Variants in USP3 observed in about 807,000 individuals in gnomAD.
USP3 encodes the protein ubiquitin specific peptidase 3.
A neutral mutation model predicts 72.3 loss-of-function variants in USP3; 20 were observed. That is an observed-to-expected ratio of 0.28 (90% CI 0.19 to 0.40). USP3 has a LOEUF of 0.40. Among genes scored for constraint, USP3 ranks in the 10% least tolerant of loss-of-function variants. USP3 has a pLI of 1.00. For missense variants in USP3, 479 were observed against 633.9 expected, an observed-to-expected ratio of 0.76 and a Z score of 2.62; for synonymous variants, 222 against 225.3, an observed-to-expected ratio of 0.99 and a Z score of 0.13.
chr15:63,513,753 T>G (rs2065818829), intron 1 of USP3, among the ~76,000 whole-genome samples: 1 of 152,204 alleles, frequency 6.6e-6, no homozygotes, highest in Non-Finnish European at 1.5e-5. Context: ...CGGAGTAATA[T>G]TTTGATTAAA....
intron 14 of USP3, chr15:63,589,237 ATTTACGACCCAGTCTT>A: frequency 1.8e-6 from 1 of 564,754 alleles, no homozygotes; most frequent in Non-Finnish European, 3.1e-6. Flanking sequence ...TGAACCCAGT[ATTTACGACCCAGTCTT>A]TATTTGTCCA....
intron 1 of USP3, chr15:63,530,471 C>T (rs1199267181): frequency 9.2e-6 from 3 of 324,832 alleles, no homozygotes; most frequent in Non-Finnish European, 1.8e-5. Context: ...TGCCACCACA[C>T]CCGGCTAATT....
At chr15:63,513,472 C>T (rs746632488) in intron 1 of USP3, among the ~76,000 whole-genome samples, 8 of 152,126 alleles carry the variant, frequency 5.3e-5, no homozygotes, top group East Asian at 1.9e-4. Flanking sequence ...CTGGAACTCG[C>T]GGGCTTAAGT....
chr15:63,567,584 G>A (rs545140598), intron 8 of USP3, among the ~76,000 whole-genome samples: 3 of 151,508 alleles, frequency 2.0e-5, no homozygotes, highest in Non-Finnish European at 4.4e-5. Context: ...CTGACCTCAT[G>A]ATCTGCCTGC....
chr15:63,581,311 T>G (rs992295148), intron 11 of USP3, among the ~76,000 whole-genome samples: 1 of 151,506 alleles, frequency 6.6e-6, no homozygotes, highest in Admixed American at 6.6e-5. Flanking sequence ...AGAAATATAT[T>G]TCCATGTGTT....
At chr15:63,518,585 CAG>C (rs2065879968) in intron 1 of USP3, among the ~76,000 whole-genome samples, 1 of 152,196 alleles carries the variant, frequency 6.6e-6, no homozygotes, top group Admixed American at 6.5e-5. Context: ...ATTTTATACT[CAG>C]AGAAACACTG....
At chr15:63,584,318 C>T (rs774321985) in intron 11 of USP3, among the ~76,000 whole-genome samples, 7 of 151,804 alleles carry the variant, frequency 4.6e-5, no homozygotes, top group Non-Finnish European at 7.4e-5. Flanking sequence ...ATGATGGTCT[C>T]GATCCTCCTG....
intron 3 of USP3, among the ~76,000 whole-genome samples, chr15:63,542,920 C>A (rs1273414130): frequency 6.6e-6 from 1 of 152,138 alleles, no homozygotes; most frequent in African/African-American, 2.4e-5. Context: ...ATTATTTCTA[C>A]TTTGAAATGA....
At chr15:63,571,938 A>G (rs2066784741) in intron 9 of USP3, among the ~76,000 whole-genome samples, 1 of 152,224 alleles carries the variant, frequency 6.6e-6, no homozygotes, top group South Asian at 2.1e-4. Context: ...AGAAAAAGGT[A>G]TCTTGTGCAA....
At chr15:63,576,649 A>T (rs1430737572) in intron 11 of USP3, among the ~76,000 whole-genome samples, 1 of 152,174 alleles carries the variant, frequency 6.6e-6, no homozygotes, top group African/African-American at 2.4e-5. Flanking sequence ...TTGAAATCTG[A>T]TGTGACTGGT....
chr15:63,553,851 C>A lies in USP3; in HGVS notation c.368+53C>A. 1 of 1,456,582 alleles carries A rather than the reference C, an allele frequency of 6.9e-7. No homozygotes were observed. Among genetic ancestry groups the A allele is most frequent in the South Asian group, 1.3e-5 (1 of 78,578 alleles). 90.2% of individuals were successfully genotyped at this position (1,456,582 alleles called of 1,614,324 possible). ...GGGCCTAAGAATGGGGTTGAGGAGTCTTTTAGAATTTTTGAGTGGGGTTTT... is the reference window on the plus strand; with the variant it reads ...GGGCCTAAGAATGGGGTTGAGGAGTATTTTAGAATTTTTGAGTGGGGTTTT... On this transcript the variant is annotated intron_variant, in intron 4 of 14. Coordinates refer to ENST00000380324, the MANE Select transcript of USP3 (RefSeq NM_006537.4). The surrounding 1 kb of genome is among the most constrained non-coding windows in gnomAD (Gnocchi z 4.2).
chr15:63,537,244 A>T (rs1011076733), intron 3 of USP3, 88 bp downstream of exon 3: 2 of 1,418,666 alleles, frequency 1.4e-6, no homozygotes, highest in Non-Finnish European at 1.9e-6. Flanking sequence ...TAAGCCAGTT[A>T]CTACTGCTGT....
intron 1 of USP3, among the ~76,000 whole-genome samples, chr15:63,510,902 G>T (rs147765698): frequency 6.6e-6 from 1 of 152,148 alleles, no homozygotes; most frequent in Non-Finnish European, 1.5e-5. Context: ...ATTGTTCATT[G>T]TGGTTGTATC....
chr15:63,582,731 T>C (rs549072313), intron 11 of USP3, among the ~76,000 whole-genome samples: 1 of 152,252 alleles, frequency 6.6e-6, no homozygotes, highest in South Asian at 2.1e-4. Flanking sequence ...TGGAAGATGC[T>C]GGGAGAAGGC....
At chr15:63,583,996 T>C in intron 11 of USP3, among the ~76,000 whole-genome samples, 1 of 152,098 alleles carries the variant, frequency 6.6e-6, no homozygotes, top group East Asian at 1.9e-4. Flanking sequence ...GTGGAATCGC[T>C]GAATCATAAT....
intron 3 of USP3, among the ~76,000 whole-genome samples, chr15:63,550,539 C>T (rs749484043): frequency 6.6e-6 from 1 of 152,158 alleles, no homozygotes; most frequent in Non-Finnish European, 1.5e-5. Flanking sequence ...AAATTTAAGG[C>T]TGCAAATAGA....
chr15:63,577,511 C>T (rs1393359739), intron 11 of USP3, among the ~76,000 whole-genome samples: 1 of 152,188 alleles, frequency 6.6e-6, no homozygotes, highest in Admixed American at 6.5e-5. Context: ...AATCCCAGCA[C>T]TGTGGGAGGC....
At chr15:63,581,746 G>T (rs2066967996) in intron 11 of USP3, among the ~76,000 whole-genome samples, 1 of 151,646 alleles carries the variant, frequency 6.6e-6, no homozygotes, top group Admixed American at 6.6e-5. Context: ...CCAGGCTAGA[G>T]TGCAGTGGTG....
rs77119297 is a variant in USP3 at position 63,553,364 on chromosome 15, C to T, written c.285-351C>T. 190 of 161,316 alleles carry T rather than the reference C, an allele frequency of 1.2e-3. 2 individuals carry two copies. In the East Asian group the frequency reaches 0.02, roughly 17 times the overall value. The allele number at this position is 161,316 out of a possible 1,614,324, so 10.0% of individuals were successfully genotyped here. A position where few individuals can be genotyped will look rare whatever the true frequency, so the allele number is the denominator to read the frequency against. ...GGAAGTGTCAACTTAAAGCTTTAGG[C>T]TTAATGCTACATGAAAAGACTCGGT... On this transcript the variant is annotated intron_variant, in intron 3 of 14. Transcript: ENST00000380324. The surrounding 1 kb of genome is among the most constrained non-coding windows in gnomAD (Gnocchi z 4.2).
Sources: gnomAD v4.1 joint callset for allele counts (sites outside exome capture counted in the v4.1 genomes callset) on GRCh38, gnomAD v4.1.1 for gene constraint, Gnocchi (gnomAD v3.1) non-coding constraint, MANE v1.5 for transcripts, NCBI Gene and HGNC (gene_info 2026-07-23, HGNC 2026-07-21) for gene names.